Variants in FAM204A observed in about 807,000 individuals in gnomAD.
FAM204A encodes family with sequence similarity 204 member A.
FAM204A carries 16 observed loss-of-function variants against 35.4 expected under a neutral mutation model. The observed-to-expected ratio is 0.45, with a 90% CI of 0.31 to 0.69. The LOEUF (loss-of-function observed/expected upper bound fraction) is 0.69. FAM204A is among the 30% of genes least tolerant of loss of function. FAM204A has a pLI of 0.07. For synonymous variants in FAM204A, 76 were observed against 86.9 expected (o/e 0.88, Z 0.70); for missense variants, 240 against 265.7 (o/e 0.90, Z 0.67).
At chr10:118,336,018 A>C (rs1846379876) in intron 3 of FAM204A, 164 bp downstream of exon 3, 1 of 730,030 alleles carries the variant, frequency 1.4e-6, no homozygotes, top group Non-Finnish European at 2.1e-6. Flanking sequence ...AATAAACGCA[A>C]GTATCTAAGT....
At position 118,310,653 on chromosome 10, in the gene FAM204A, A is replaced by G; in HGVS notation, c.*204T>C. ...TTTTTTTTCTTACATTTCTTATACAAATAACAGAATGCTTCATTTTATTCA... is the reference window on the plus strand; with the variant it reads ...TTTTTTTTCTTACATTTCTTATACAGATAACAGAATGCTTCATTTTATTCA... On this transcript the variant is annotated 3_prime_UTR_variant, in exon 9 of 9. Coordinates refer to ENST00000369183, the MANE Select transcript of FAM204A (RefSeq NM_022063.3). The G allele has an allele frequency of 1.9e-6, 1 of 534,306 alleles. No individual in the cohort carries two copies. The highest frequency in any genetic ancestry group is 3.2e-6 in the Non-Finnish European group (1 of 309,644). The allele number at this position is 534,306 out of a possible 1,614,324, so 33.1% of individuals were successfully genotyped here.
At position 118,300,820 on chromosome 10, in the gene FAM204A, A is replaced by G. The variant is rs1164078341; in HGVS notation, c.*10037T>C. 1 of 152,198 alleles carries G rather than the reference A, an allele frequency of 6.6e-6. No homozygotes were observed. The highest frequency in any genetic ancestry group is 2.4e-5 in the African/African-American group (1 of 41,428). The allele number at this position is 152,198 out of a possible 1,614,324, so 9.4% of individuals were successfully genotyped here. A position where few individuals can be genotyped will look rare whatever the true frequency, so the allele number is the denominator to read the frequency against. ...ACTTCCCTAAAGACCCAGGGAGGGG[A>G]GAGAAAGTGCTCTGCTTGTATCCTA... On this transcript the variant is annotated 3_prime_UTR_variant, in exon 9 of 9. Coordinates refer to ENST00000369183, the MANE Select transcript of FAM204A (RefSeq NM_022063.3).
At chr10:118,329,701 T>C (rs147328087) in intron 6 of FAM204A, among the ~76,000 whole-genome samples, 1 of 152,128 alleles carries the variant, frequency 6.6e-6, no homozygotes, top group Non-Finnish European at 1.5e-5. Flanking sequence ...CTATACTCAG[T>C]GAGAGCAGGC....
intron 7 of FAM204A, among the ~76,000 whole-genome samples, chr10:118,316,682 A>C (rs547247250): frequency 6.6e-6 from 1 of 152,260 alleles, no homozygotes; most frequent in East Asian, 1.9e-4. Context: ...TGTTTTTAAA[A>C]CACATCAAAT....
rs528041364 is a variant in FAM204A at position 118,311,343 on chromosome 10, G to C, written c.544-30C>G. 3.1e-5 allele frequency: 45 copies of C among 1,439,350 alleles called. No individual in the cohort carries two copies. The South Asian group carries it at 5.1e-4, about 16-fold the overall frequency. The allele number at this position is 1,439,350 out of a possible 1,614,324, so 89.2% of individuals were successfully genotyped here. A position where few individuals can be genotyped will look rare whatever the true frequency, so the allele number is the denominator to read the frequency against. On this transcript the variant is annotated intron_variant, in intron 7 of 8. Coordinates refer to ENST00000369183, the MANE Select transcript of FAM204A (RefSeq NM_022063.3). ...GAATTACAAAGGAGAAAAAAAAAGT[G>C]AAAATAAATATTCCAGCTAATACAG...
In FAM204A at chr10:118,336,386, T is replaced by C. The variant is rs145055658; in HGVS notation, c.30A>G (p.Leu10=). ...AGTTTGACTCAGCGTCACTTTCATTTAGGCCAGGAGGTAGCAGCCCACTCC... is the reference window on the plus strand; with the variant it reads ...AGTTTGACTCAGCGTCACTTTCATTCAGGCCAGGAGGTAGCAGCCCACTCC... MWSGLLPPG[L]NESDAESNSE... The change falls in exon 3 of 9, where the codon CTA becomes CTG. Residue 10 remains leucine (L), a synonymous_variant. Coordinates refer to ENST00000369183, the MANE Select transcript of FAM204A (RefSeq NM_022063.3). 2.7e-5 allele frequency: 44 copies of C among 1,613,682 alleles called. No homozygotes were observed. Among genetic ancestry groups the C allele is most frequent in the Middle Eastern group, 1.6e-4 (1 of 6,084 alleles).
rs988840228 is a variant in FAM204A, at chr10:118,309,014, A to G, written c.*1843T>C. ...ATTTCAGACAAAACCACTGGATTGT[A>G]TAGTGAATATTTCCCCCATAATGGA... On this transcript the variant is annotated 3_prime_UTR_variant, in exon 9 of 9. Coordinates refer to ENST00000369183, the MANE Select transcript of FAM204A (RefSeq NM_022063.3). The G allele has an allele frequency of 6.6e-6, 1 of 152,246 alleles. No homozygotes were observed. The highest frequency in any genetic ancestry group is 2.4e-5 in the African/African-American group (1 of 41,458). The allele number at this position is 152,246 out of a possible 1,614,324, so 9.4% of individuals were successfully genotyped here. A position where few individuals can be genotyped will look rare whatever the true frequency, so the allele number is the denominator to read the frequency against.
rs558787993 is a variant in FAM204A at position 118,299,977 on chromosome 10, C to T, written c.*10880G>A. The T allele has an allele frequency of 7.9e-5, 12 of 152,152 alleles. No homozygotes were observed. The highest frequency in any genetic ancestry group is 1.6e-4 in the Non-Finnish European group (11 of 68,036). 9.4% of individuals were successfully genotyped at this position (152,152 alleles called of 1,614,324 possible). On this transcript the variant is annotated 3_prime_UTR_variant, in exon 9 of 9. Transcript: ENST00000369183. The stretch of plus-strand genomic sequence containing the variant: ...AATCACAAGTAGATTGGAAGTGGGT[C>T]TTGTGTGGCCTTGATTATAGAGGAA...
intron 7 of FAM204A, among the ~76,000 whole-genome samples, chr10:118,311,862 CA>C: frequency 6.6e-6 from 1 of 152,298 alleles, no homozygotes; most frequent in Admixed American, 6.5e-5. Flanking sequence ...AAAAGAATAT[CA>C]GGGGTGCTAA....
intron 6 of FAM204A, 29 bp from the exon 7 acceptor site, chr10:118,326,272 G>A: frequency 1.3e-6 from 2 of 1,582,260 alleles, no homozygotes; most frequent in Non-Finnish European, 1.7e-6. Context: ...TAAAATTAAG[G>A]GCTGGAAGGA....
intron 7 of FAM204A, among the ~76,000 whole-genome samples, chr10:118,317,418 T>TA: frequency 6.6e-6 from 1 of 152,172 alleles, no homozygotes; most frequent in East Asian, 1.9e-4. Flanking sequence ...AATCTTTTTT[T>TA]AAGGTTAGTT....
At chr10:118,317,598 T>C (rs1352527480) in intron 7 of FAM204A, among the ~76,000 whole-genome samples, 1 of 152,004 alleles carries the variant, frequency 6.6e-6, no homozygotes. Context: ...CAGCCTTATT[T>C]TTCTGATATT....
At chr10:118,318,590 C>G (rs1846065184) in intron 7 of FAM204A, among the ~76,000 whole-genome samples, 3 of 151,956 alleles carry the variant, frequency 2.0e-5, no homozygotes, top group South Asian at 4.1e-4. Context: ...ATTGTTAGAA[C>G]AGCTAATTGG....
intron 7 of FAM204A, among the ~76,000 whole-genome samples, chr10:118,312,386 C>T (rs903671792): frequency 5.3e-5 from 8 of 152,086 alleles, no homozygotes; most frequent in African/African-American, 1.9e-4. Flanking sequence ...GATCTGCTTG[C>T]CAATAGTAAG....
At chr10:118,338,630 T>C (rs1370519546) in intron 2 of FAM204A, among the ~76,000 whole-genome samples, 1 of 152,202 alleles carries the variant, frequency 6.6e-6, no homozygotes, top group South Asian at 2.1e-4. Flanking sequence ...CCTCACGAAA[T>C]GACAGCTATA....
chr10:118,341,021 G>T (rs1374820714), intron 2 of FAM204A, among the ~76,000 whole-genome samples: 1 of 152,126 alleles, frequency 6.6e-6, no homozygotes, highest in Non-Finnish European at 1.5e-5. Flanking sequence ...ATTTGGTTAA[G>T]AATTTTTTTC....
chr10:118,331,473 T>C (rs924731496), intron 6 of FAM204A, among the ~76,000 whole-genome samples: 11 of 152,304 alleles, frequency 7.2e-5, no homozygotes, highest in Admixed American at 1.3e-4. Flanking sequence ...ATTAATTAAG[T>C]TTTAATATAG....
In FAM204A at chr10:118,305,660, T is replaced by C. The variant is rs1227760021; in HGVS notation, c.*5197A>G. Reference sequence around the variant, plus strand: ...TCAGCAAAGAAAAACTCACTGATTTTCTAATAGCCCGCCTGAAAATGGAGT... The same window carrying C: ...TCAGCAAAGAAAAACTCACTGATTTCCTAATAGCCCGCCTGAAAATGGAGT... On this transcript the variant is annotated 3_prime_UTR_variant, in exon 9 of 9. Coordinates refer to ENST00000369183, the MANE Select transcript of FAM204A (RefSeq NM_022063.3). 6.6e-6 allele frequency: 1 copy of C among 152,264 alleles called. No individual in the cohort carries two copies. The highest frequency in any genetic ancestry group is 2.4e-5 in the African/African-American group (1 of 41,476). 9.4% of individuals were successfully genotyped at this position (152,264 alleles called of 1,614,324 possible). A position where few individuals can be genotyped will look rare whatever the true frequency, so the allele number is the denominator to read the frequency against.
chr10:118,310,802 A>T lies in FAM204A; in HGVS notation c.*55T>A, dbSNP rs932361350. On this transcript the variant is annotated 3_prime_UTR_variant, in exon 9 of 9. Transcript: ENST00000369183. ...GACATATTAACATAGGCAGGAAAAC[A>T]TTCTCAGTAAATTGAGCATTTGAGT... is the stretch of plus-strand genomic sequence containing the variant. 82 of 1,404,138 alleles carry T rather than the reference A, an allele frequency of 5.8e-5. No individual in the cohort carries two copies. In the African/African-American group the frequency reaches 1.1e-3, roughly 19 times the overall value. The allele number at this position is 1,404,138 out of a possible 1,614,324, so 87.0% of individuals were successfully genotyped here.
Sources: gnomAD v4.1 joint callset for allele counts (sites outside exome capture counted in the v4.1 genomes callset) on GRCh38, gnomAD v4.1.1 for gene constraint, MANE v1.5 for transcripts, NCBI Gene and HGNC (gene_info 2026-07-23, HGNC 2026-07-21) for gene names.